Variants in C12orf42 observed in about 807,000 individuals in gnomAD.
C12orf42 encodes uncharacterized protein C12orf42.
In C12orf42, 25 loss-of-function variants were observed where a neutral mutation model predicts 21.6. The observed-to-expected ratio is 1.16, with a 90% CI of 0.84 to 1.62. The LOEUF (loss-of-function observed/expected upper bound fraction) is 1.62. C12orf42 is among the 40% of genes most tolerant of loss of function. C12orf42 has a pLI of 0.00. For missense variants in C12orf42, 483 were observed against 459.3 expected, an observed-to-expected ratio of 1.05 and a Z score of -0.47; for synonymous variants, 174 against 175.0, an observed-to-expected ratio of 0.99 and a Z score of 0.05.
chr12:103,285,145 C>T (rs113093971), intron 4 of C12orf42, among the ~76,000 whole-genome samples: 13 of 152,094 alleles, frequency 8.5e-5, no homozygotes, highest in East Asian at 1.9e-4. Context: ...TGCTGTTTAC[C>T]GACTTATGAT....
chr12:103,367,474 A>T (rs572169874), intron 4 of C12orf42, among the ~76,000 whole-genome samples: 3 of 152,004 alleles, frequency 2.0e-5, no homozygotes, highest in Admixed American at 2.0e-4. Flanking sequence ...AAGAAAGAAA[A>T]AAAAAGAAAA....
At chr12:103,246,486 C>T (rs910662476) in intron 10 of C12orf42, among the ~76,000 whole-genome samples, 3 of 151,876 alleles carry the variant, frequency 2.0e-5, no homozygotes, top group Admixed American at 2.0e-4. Context: ...GATCTTATGC[C>T]ATATGACTCT....
At chr12:103,159,004 A>G in the C12orf42 span, among the ~76,000 whole-genome samples, 3 of 152,216 alleles carry the variant, frequency 2.0e-5, no homozygotes, top group Non-Finnish European at 2.9e-5. Context: ...GTTAAGAGAA[A>G]AAAAAATTTT....
At chr12:103,074,461 A>G in the C12orf42 span, among the ~76,000 whole-genome samples, 15 of 152,268 alleles carry the variant, frequency 9.9e-5, no homozygotes, top group African/African-American at 3.6e-4. Context: ...GTAAGCCTCC[A>G]AATATTATCA....
the C12orf42 span, among the ~76,000 whole-genome samples, chr12:103,057,251 C>A: frequency 6.6e-6 from 1 of 150,880 alleles, no homozygotes; most frequent in Admixed American, 6.6e-5. Flanking sequence ...TGTTACATAG[C>A]TATACGTGTG....
At chr12:103,238,526 A>G (rs953721398) in intron 10 of C12orf42, among the ~76,000 whole-genome samples, 1 of 152,222 alleles carries the variant, frequency 6.6e-6, no homozygotes, top group Non-Finnish European at 1.5e-5. Flanking sequence ...GAGAGCAGCT[A>G]CACTGCTTGG....
At chr12:103,250,339 G>A (rs749810577) in intron 10 of C12orf42, among the ~76,000 whole-genome samples, 15 of 151,958 alleles carry the variant, frequency 9.9e-5, no homozygotes, top group East Asian at 1.9e-4. Context: ...GTTGCAAGAC[G>A]GCTTCCACAG....
the C12orf42 span, among the ~76,000 whole-genome samples, chr12:103,129,725 C>T: frequency 6.6e-6 from 1 of 152,180 alleles, no homozygotes; most frequent in African/African-American, 2.4e-5. Context: ...GGCATTCTAG[C>T]CCAGTCTTCA....
intron 4 of C12orf42, among the ~76,000 whole-genome samples, chr12:103,307,526 G>T (rs767915496): frequency 1.3e-5 from 2 of 152,090 alleles, no homozygotes; most frequent in African/African-American, 2.4e-5. Flanking sequence ...GTCCCCAATT[G>T]TCAAAGATAT....
chr12:103,096,426 T>C, the C12orf42 span, among the ~76,000 whole-genome samples: 1 of 152,232 alleles, frequency 6.6e-6, no homozygotes, highest in Non-Finnish European at 1.5e-5. Context: ...AACTTTTAGA[T>C]ATTTATTTTG....
At chr12:103,546,214 T>C in the C12orf42 span, among the ~76,000 whole-genome samples, 1 of 152,240 alleles carries the variant, frequency 6.6e-6, no homozygotes, top group African/African-American at 2.4e-5. Context: ...ACTCAGCATG[T>C]AATGATTCAA....
At chr12:103,470,701 T>C (rs1046566252) in intron 2 of C12orf42, among the ~76,000 whole-genome samples, 1 of 152,170 alleles carries the variant, frequency 6.6e-6, no homozygotes, top group Non-Finnish European at 1.5e-5. Flanking sequence ...TTGGGAACAC[T>C]TGTTCTTGGA....
intron 2 of C12orf42, among the ~76,000 whole-genome samples, chr12:103,462,094 T>C (rs1021009053): frequency 3.2e-5 from 4 of 123,310 alleles, no homozygotes; most frequent in African/African-American, 1.2e-4. Context: ...GTTTTTTGCT[T>C]GGTTTTTTTT....
the C12orf42 span, among the ~76,000 whole-genome samples, chr12:103,094,951 A>G: frequency 6.6e-6 from 1 of 152,262 alleles, no homozygotes; most frequent in African/African-American, 2.4e-5. Flanking sequence ...TATGGACTGC[A>G]TAAAATCAAT....
At chr12:103,125,318 T>C in the C12orf42 span, among the ~76,000 whole-genome samples, 1 of 152,008 alleles carries the variant, frequency 6.6e-6, no homozygotes, top group Admixed American at 6.6e-5. Context: ...GAGGTGATAC[T>C]AAAAAAACCA....
chr12:103,183,807 G>A, the C12orf42 span, among the ~76,000 whole-genome samples: 40 of 152,170 alleles, frequency 2.6e-4, no homozygotes, highest in African/African-American at 9.6e-4. Context: ...CTTACTTTGA[G>A]TCTTCCTCTG....
At chr12:103,549,214 T>C in the C12orf42 span, among the ~76,000 whole-genome samples, 2 of 152,220 alleles carry the variant, frequency 1.3e-5, no homozygotes, top group Non-Finnish European at 2.9e-5. Context: ...GTATACATCT[T>C]TTACAGTACT....
At chr12:103,124,451 T>C in the C12orf42 span, among the ~76,000 whole-genome samples, 2 of 152,094 alleles carry the variant, frequency 1.3e-5, no homozygotes, top group African/African-American at 4.8e-5. Flanking sequence ...AGAACCTGGA[T>C]GGGTTGTTTA....
At chr12:103,315,841 C>T (rs960003540) in intron 4 of C12orf42, among the ~76,000 whole-genome samples, 2 of 151,846 alleles carry the variant, frequency 1.3e-5, no homozygotes, top group Admixed American at 6.6e-5. Context: ...TTTTGAACAT[C>T]GCTAAGAGGG....
Sources: allele counts gnomAD v4.1 joint callset (sites outside exome capture counted in the v4.1 genomes callset), GRCh38; gene constraint gnomAD v4.1.1; transcripts MANE v1.5; gene names NCBI Gene and HGNC (gene_info 2026-07-23, HGNC 2026-07-21).